MACROD1: variants seen among roughly 807,000 people sequenced by gnomAD.
The protein encoded by MACROD1 is mono-ADP ribosylhydrolase 1.
In MACROD1, 31 loss-of-function variants were observed where a neutral mutation model predicts 41.4. The ratio of observed to expected loss-of-function variants is 0.75; its 90% CI spans 0.56 to 1.01. MACROD1 has a LOEUF of 1.01. MACROD1 is among the 50% of genes least tolerant of loss of function. The probability of loss-of-function intolerance (pLI) is 0.00; values close to 1 mark genes in which losing one functional copy is unlikely to be tolerated. For missense variants in MACROD1, 473 were observed against 460.0 expected (o/e 1.03, Z -0.26); for synonymous variants, 252 against 203.4 (o/e 1.24, Z -2.03).
At chr11:64,116,963 C>T in intron 3 of MACROD1, 2 of 1,611,914 alleles carry the variant, frequency 1.2e-6, no homozygotes, top group Non-Finnish European at 1.7e-6. Context: ...TGGACGGTAA[C>T]CTGCTGGCCA....
At chr11:64,116,958 G>A (rs1356069352) in intron 3 of MACROD1, 2 of 1,611,588 alleles carry the variant, frequency 1.2e-6, no homozygotes, top group African/African-American at 1.3e-5. Context: ...GGTGCTGGAC[G>A]GTAACCTGCT....
intron 3 of MACROD1, among the ~76,000 whole-genome samples, chr11:64,070,812 AT>A (rs1944095208): frequency 6.6e-6 from 1 of 152,232 alleles, no homozygotes; most frequent in African/African-American, 2.4e-5. Context: ...GGCGTGAACA[AT>A]AATAGTTTTT....
chr11:64,029,185 G>T (rs1234767398), intron 3 of MACROD1, among the ~76,000 whole-genome samples: 1 of 152,216 alleles, frequency 6.6e-6, no homozygotes, highest in Non-Finnish European at 1.5e-5. Context: ...TGCTGGGGTT[G>T]GTTGAGCCGG....
At chr11:64,159,925 T>C (rs914943851) in intron 1 of MACROD1, among the ~76,000 whole-genome samples, 3 of 151,952 alleles carry the variant, frequency 2.0e-5, no homozygotes, top group African/African-American at 7.3e-5. Flanking sequence ...AGCCTGAAGG[T>C]ATGTACATAC....
At chr11:64,144,200 C>T (rs1238428136) in intron 3 of MACROD1, among the ~76,000 whole-genome samples, 2 of 152,018 alleles carry the variant, frequency 1.3e-5, no homozygotes, top group African/African-American at 2.4e-5. Context: ...ATGCTCTTGC[C>T]CCGACTTCTG....
intron 3 of MACROD1, among the ~76,000 whole-genome samples, chr11:64,061,251 G>A (rs1009336550): frequency 3.9e-5 from 6 of 152,378 alleles, no homozygotes; most frequent in Admixed American, 3.9e-4. Context: ...CGATCACGCG[G>A]TGTAATTGCT....
chr11:64,048,131 G>A (rs1329512029), intron 3 of MACROD1, among the ~76,000 whole-genome samples: 1 of 152,184 alleles, frequency 6.6e-6, no homozygotes, highest in Non-Finnish European at 1.5e-5. Flanking sequence ...GCAGGGCCGG[G>A]CAGGGGCCCT....
chr11:64,068,420 C>A (rs1268942063), intron 3 of MACROD1, among the ~76,000 whole-genome samples: 2 of 152,234 alleles, frequency 1.3e-5, no homozygotes, highest in Admixed American at 1.3e-4. Flanking sequence ...ACTGCATTGA[C>A]CTCACCAGCT....
At chr11:64,088,330 A>T (rs1276719777) in intron 3 of MACROD1, among the ~76,000 whole-genome samples, 1 of 151,546 alleles carries the variant, frequency 6.6e-6, no homozygotes, top group Non-Finnish European at 1.5e-5. Flanking sequence ...GGGGCCAGGG[A>T]GGGGCAGCAT....
At chr11:64,127,297 C>T (rs1945198524) in intron 3 of MACROD1, among the ~76,000 whole-genome samples, 1 of 152,274 alleles carries the variant, frequency 6.6e-6, no homozygotes, top group Non-Finnish European at 1.5e-5. Context: ...TTACGGTCAT[C>T]TCTTGCTGCT....
chr11:64,113,875 G>GATGGAAGA (rs1944912411), intron 3 of MACROD1, among the ~76,000 whole-genome samples: 3 of 145,008 alleles, frequency 2.1e-5, no homozygotes, highest in African/African-American at 5.3e-5. Context: ...TTGATACATG[G>GATGGAAGA]ATGGATGGAT....
At chr11:64,127,338 G>A (rs1945199349) in intron 3 of MACROD1, among the ~76,000 whole-genome samples, 1 of 152,208 alleles carries the variant, frequency 6.6e-6, no homozygotes, top group Non-Finnish European at 1.5e-5. Flanking sequence ...ATCGGGCCAG[G>A]GGCCAGGTGT....
At chr11:64,081,194 G>A (rs1944296547) in intron 3 of MACROD1, among the ~76,000 whole-genome samples, 1 of 152,154 alleles carries the variant, frequency 6.6e-6, no homozygotes, top group Admixed American at 6.5e-5. Flanking sequence ...GCTAATTTTT[G>A]TAGTTTTAGT....
intron 3 of MACROD1, among the ~76,000 whole-genome samples, chr11:64,019,642 G>C (rs567204794): frequency 6.0e-4 from 92 of 152,326 alleles, no homozygotes; most frequent in African/African-American, 2.1e-3. Flanking sequence ...AGTGCCAGTT[G>C]GGTGCCAGGG....
At chr11:64,158,853 G>A (rs191265351) in intron 1 of MACROD1, among the ~76,000 whole-genome samples, 10 of 152,170 alleles carry the variant, frequency 6.6e-5, no homozygotes, top group Non-Finnish European at 1.2e-4. Flanking sequence ...AGGCACTCCC[G>A]GGGGGATAAA....
At chr11:64,136,047 G>A (rs755092125) in intron 3 of MACROD1, among the ~76,000 whole-genome samples, 13 of 152,300 alleles carry the variant, frequency 8.5e-5, no homozygotes, top group Non-Finnish European at 1.5e-4. Context: ...TCCCCGCCAC[G>A]CTCGGCTGAG....
At chr11:64,034,244 C>T (rs565557225) in intron 3 of MACROD1, among the ~76,000 whole-genome samples, 15 of 152,288 alleles carry the variant, frequency 9.8e-5, no homozygotes, top group South Asian at 4.1e-4. Flanking sequence ...GAAGGCGGGA[C>T]GGAAACCACA....
chr11:64,055,660 C>T (rs577020377), intron 3 of MACROD1, among the ~76,000 whole-genome samples: 37 of 152,282 alleles, frequency 2.4e-4, no homozygotes, highest in Admixed American at 2.0e-3. Context: ...GCATGTTAGA[C>T]CAGGAATAAA....
chr11:64,003,299 C>A (rs1185537572), intron 4 of MACROD1, among the ~76,000 whole-genome samples: 1 of 152,208 alleles, frequency 6.6e-6, no homozygotes, highest in Non-Finnish European at 1.5e-5. Context: ...CTCACTGCAA[C>A]CTCTGCCTCC....
Sources: gnomAD v4.1 joint callset for allele counts (sites outside exome capture counted in the v4.1 genomes callset) on GRCh38, gnomAD v4.1.1 for gene constraint, MANE v1.5 for transcripts, NCBI Gene and HGNC (gene_info 2026-07-23, HGNC 2026-07-21) for gene names.